TENM3: variants seen among roughly 807,000 people sequenced by gnomAD.
The protein encoded by TENM3 is teneurin-3.
In TENM3, 63 loss-of-function variants were observed where a neutral mutation model predicts 255.1. The observed-to-expected ratio is 0.25, with a 90% CI of 0.20 to 0.30. TENM3 has a LOEUF of 0.30. Among genes scored for constraint, TENM3 ranks in the 10% least tolerant of loss-of-function variants. The pLI, the probability that TENM3 is intolerant of heterozygous loss-of-function variation, is 1.00. For missense variants in TENM3, 2,929 were observed against 3,461.1 expected (o/e 0.85, Z 3.86); for synonymous variants, 1,306 against 1,322.3 (o/e 0.99, Z 0.27).
the TENM3 span, among the ~76,000 whole-genome samples, chr4:181,546,553 A>C: frequency 3.0e-5 from 4 of 131,382 alleles, no homozygotes; most frequent in Non-Finnish European, 6.7e-5. Context: ...GTCTCTACTA[A>C]AAATACAAAA....
chr4:181,598,810 A>C, the TENM3 span, among the ~76,000 whole-genome samples: 1 of 152,188 alleles, frequency 6.6e-6, no homozygotes, highest in East Asian at 1.9e-4. Context: ...TATTAATTCA[A>C]GGAACAATTT....
intron 3 of TENM3, among the ~76,000 whole-genome samples, chr4:182,427,149 T>C (rs887005005): frequency 6.6e-6 from 1 of 152,196 alleles, no homozygotes; most frequent in Non-Finnish European, 1.5e-5. Context: ...TTTTTTCACT[T>C]GGGAAAATAT....
At chr4:182,051,274 T>C in the TENM3 span, among the ~76,000 whole-genome samples, 255 of 148,962 alleles carry the variant, frequency 1.7e-3, 1 homozygote, top group Admixed American at 3.1e-3. Flanking sequence ...AACTGGGAGG[T>C]GGAGGTTGCA....
At chr4:182,140,856 C>A (rs899781465), upstream of TENM3, among the ~76,000 whole-genome samples, 1 of 152,238 alleles carries the variant, frequency 6.6e-6, no homozygotes, top group African/African-American at 2.4e-5. Flanking sequence ...GGCAGCGACA[C>A]TCGGCTGAGA....
chr4:182,243,742 C>T (rs983236178), intron 1 of TENM3, among the ~76,000 whole-genome samples: 9 of 152,008 alleles, frequency 5.9e-5, no homozygotes, highest in Non-Finnish European at 1.2e-4. Context: ...TTCAGCACGT[C>T]CTTGTTTTAT....
At chr4:181,905,788 G>C in the TENM3 span, 2 of 333,056 alleles carry the variant, frequency 6.0e-6, no homozygotes, top group Non-Finnish European at 1.1e-5. Flanking sequence ...ACTTGAAATG[G>C]CTAGAGAGAG....
At chr4:182,766,693 T>C (rs1245986015) in intron 22 of TENM3, among the ~76,000 whole-genome samples, 1 of 152,154 alleles carries the variant, frequency 6.6e-6, no homozygotes, top group Non-Finnish European at 1.5e-5. Flanking sequence ...GGGGAGGCTC[T>C]GCCCTTGTCT....
chr4:182,035,049 G>A, the TENM3 span, among the ~76,000 whole-genome samples: 1 of 152,058 alleles, frequency 6.6e-6, no homozygotes, highest in East Asian at 1.9e-4. Flanking sequence ...CTTTTACATA[G>A]TCTCATGGTT....
At chr4:182,065,262 T>C in the TENM3 span, among the ~76,000 whole-genome samples, 9,425 of 152,250 alleles carry the variant, frequency 0.062, 409 homozygotes, top group Middle Eastern at 0.12. Context: ...CTCAAACTCC[T>C]GACCTCAAGT....
chr4:182,163,374 C>T (rs1399986822), intron 1 of TENM3, among the ~76,000 whole-genome samples: 2 of 152,186 alleles, frequency 1.3e-5, no homozygotes, highest in Admixed American at 6.5e-5. Context: ...CTGGCCAGGC[C>T]CCTTCCAGCC....
chr4:182,340,341 T>C (rs1010163076), intron 2 of TENM3, among the ~76,000 whole-genome samples: 1 of 152,220 alleles, frequency 6.6e-6, no homozygotes, highest in Non-Finnish European at 1.5e-5. Flanking sequence ...TCAATTAGAT[T>C]ATGAGTATGG....
At chr4:182,601,218 T>C (rs1290021156) in intron 4 of TENM3, 57 bp downstream of exon 4, 1 of 1,334,368 alleles carries the variant, frequency 7.5e-7, no homozygotes, top group Non-Finnish European at 1.1e-6. Context: ...CAGGAGCAAT[T>C]TACTATACTT....
the TENM3 span, among the ~76,000 whole-genome samples, chr4:182,080,856 C>T: frequency 5.9e-5 from 9 of 152,108 alleles, no homozygotes; most frequent in African/African-American, 1.9e-4. Flanking sequence ...CTGGGCGTAG[C>T]GACATGCGCT....
the TENM3 span, among the ~76,000 whole-genome samples, chr4:181,776,399 C>T: frequency 6.6e-6 from 1 of 152,030 alleles, no homozygotes; most frequent in Admixed American, 6.6e-5. Flanking sequence ...AGAATCCCTT[C>T]GAAATACTGA....
At chr4:182,631,523 G>A (rs1239693533) in intron 5 of TENM3, 2 of 152,236 alleles carry the variant, frequency 1.3e-5, no homozygotes, top group East Asian at 3.9e-4. Flanking sequence ...TACCCTTGAA[G>A]AAAAGAACAG....
chr4:181,778,435 T>A, the TENM3 span, among the ~76,000 whole-genome samples: 1 of 152,172 alleles, frequency 6.6e-6, no homozygotes, highest in Admixed American at 6.5e-5. Context: ...ATATAAACTT[T>A]CAGAGATGAA....
chr4:181,584,387 G>C, the TENM3 span, among the ~76,000 whole-genome samples: 2 of 152,124 alleles, frequency 1.3e-5, no homozygotes, highest in South Asian at 2.1e-4. Flanking sequence ...TTACCTAACT[G>C]TCCAGAGTGG....
chr4:182,764,921 GGTCA>G (rs896028424), intron 22 of TENM3, among the ~76,000 whole-genome samples: 2 of 152,296 alleles, frequency 1.3e-5, no homozygotes, highest in Non-Finnish European at 2.9e-5. Flanking sequence ...AGGCAGTAGA[GGTCA>G]GTCAGTCATT....
chr4:181,553,495 G>A, the TENM3 span, among the ~76,000 whole-genome samples: 4 of 151,944 alleles, frequency 2.6e-5, no homozygotes, highest in African/African-American at 9.7e-5. Context: ...AGGCTGGAGT[G>A]CAGGGGCGCG....
Sources: allele counts gnomAD v4.1 joint callset (sites outside exome capture counted in the v4.1 genomes callset), GRCh38; gene constraint gnomAD v4.1.1; transcripts MANE v1.5; gene names NCBI Gene and HGNC (gene_info 2026-07-23, HGNC 2026-07-21).